Variants in AJAP1 observed in about 807,000 individuals in gnomAD.
AJAP1 encodes the protein adherens junctions associated protein 1, also known as adherens junction-associated protein 1.
Under a neutral mutation model 35.0 loss-of-function variants are expected in AJAP1, and 5 were observed. The observed-to-expected ratio is 0.14, with a 90% CI of 0.07 to 0.30. AJAP1 has a LOEUF of 0.30. Ranked by LOEUF, AJAP1 falls within the 10% of genes least tolerant of loss-of-function variation. The probability of loss-of-function intolerance (pLI) is 1.00; values close to 1 mark genes in which losing one functional copy is unlikely to be tolerated. For missense variants in AJAP1, 586 were observed against 571.0 expected (o/e 1.03, Z -0.27); for synonymous variants, 284 against 249.3 (o/e 1.14, Z -1.31).
rs974974936 is a variant in AJAP1, at chr1:4,760,042, T to C, written c.830-9811T>C. On this transcript the variant is annotated intron_variant, in intron 2 of 5. Transcript: ENST00000378191. The stretch of plus-strand genomic sequence containing the variant: ...GCACTGGCCTTCAGAGCCATCATCT[T>C]TTGTGGAACTTCTCAAATGATAGCA... Among the ~76,000 whole-genome samples, 8 of 152,222 alleles carry C rather than the reference T, an allele frequency of 5.3e-5. No individual in the cohort carries two copies. The South Asian group carries it at 1.7e-3, about 32-fold the overall frequency.
Position 4,723,558 on chromosome 1 carries a change from C to T in AJAP1, c.829+10859C>T, listed in dbSNP as rs561270489. ...GCATGGAGGGGTCCTCGTGGCGGAGCTCCCAGAGACATGAAAGAGGCCACT... is the reference window on the plus strand; with the variant it reads ...GCATGGAGGGGTCCTCGTGGCGGAGTTCCCAGAGACATGAAAGAGGCCACT... On this transcript the variant is annotated intron_variant, in intron 2 of 5. Coordinates refer to ENST00000378191, the MANE Select transcript of AJAP1 (RefSeq NM_018836.4). The surrounding 1 kb of genome is among the most constrained non-coding windows in gnomAD (Gnocchi z 4.3). 1.3e-5 allele frequency among the ~76,000 whole-genome samples: 2 copies of T among 152,138 alleles called. No individual in the cohort carries two copies. Among genetic ancestry groups the T allele is most frequent in the East Asian group, 1.9e-4 (1 of 5,152 alleles).
At chr1:4,770,381 C>T (rs1202653687) in intron 3 of AJAP1, among the ~76,000 whole-genome samples, 2 of 152,218 alleles carry the variant, frequency 1.3e-5, no homozygotes, top group Non-Finnish European at 2.9e-5. Flanking sequence ...TGTTTGTATT[C>T]TTCGTTCCTC....
rs70957905 is a variant in AJAP1, at chr1:4,783,471, GTATATATATATA to G, written c.*1014_*1025del. The G allele has an allele frequency of 3.8e-3, 221 of 57,808 alleles. 1 individual carries two copies. Among genetic ancestry groups the G allele is most frequent in the African/African-American group, 0.014 (190 of 13,398 alleles). The allele number at this position is 57,808 out of a possible 1,614,324, so 3.6% of individuals were successfully genotyped here. A position where few individuals can be genotyped will look rare whatever the true frequency, so the allele number is the denominator to read the frequency against. On this transcript the variant is annotated 3_prime_UTR_variant, in exon 6 of 6. Coordinates refer to ENST00000378191, the MANE Select transcript of AJAP1 (RefSeq NM_018836.4). The stretch of plus-strand genomic sequence containing the variant: ...ATGCCAAGGTTTTATATATGTGTGT[GTATATATATATA>G]TATATATATATATATATATATATAT...
intron 1 of AJAP1, among the ~76,000 whole-genome samples, chr1:4,674,162 G>A (rs528797044): frequency 1.3e-5 from 2 of 151,866 alleles, no homozygotes; most frequent in South Asian, 4.2e-4. Flanking sequence ...ACTGCAAATC[G>A]GCCAAGAAGG....
chr1:4,748,134 A>G (rs991706318), intron 2 of AJAP1, among the ~76,000 whole-genome samples: 9 of 151,940 alleles, frequency 5.9e-5, no homozygotes, highest in Non-Finnish European at 1.5e-5. Context: ...CCTGACCTTC[A>G]GAGCCACTGC....
chr1:4,739,457 G>A (rs1304558307), intron 2 of AJAP1, among the ~76,000 whole-genome samples: 1 of 152,148 alleles, frequency 6.6e-6, no homozygotes, highest in African/African-American at 2.4e-5. Flanking sequence ...GTTAACTCCA[G>A]GTCTCCTTGC....
At position 4,692,381 on chromosome 1, in the gene AJAP1, G is replaced by A. The variant is rs1639762104; in HGVS notation, c.30-19519G>A. Among the ~76,000 whole-genome samples, 1 of 152,128 alleles carries A rather than the reference G, an allele frequency of 6.6e-6. No homozygotes were observed. The highest frequency in any genetic ancestry group is 2.4e-5 in the African/African-American group (1 of 41,444). On this transcript the variant is annotated intron_variant, in intron 1 of 5. Transcript: ENST00000378191. This position sits in a 1 kb window ranked among gnomAD's most constrained non-coding sequence, Gnocchi z 4.4. ...GGCCTCTCAGCCTGCAGGAGAGGCT[G>A]GGGGGCACGTCTGAGGGTGCAGCAG...
chr1:4,758,399 C>G (rs1641486591), intron 2 of AJAP1, among the ~76,000 whole-genome samples: 1 of 152,172 alleles, frequency 6.6e-6, no homozygotes, highest in Non-Finnish European at 1.5e-5. Flanking sequence ...TTCATCAACT[C>G]ACAGTTCTGC....
At chr1:4,765,040 T>G (rs1241247071) in intron 2 of AJAP1, among the ~76,000 whole-genome samples, 1 of 152,208 alleles carries the variant, frequency 6.6e-6, no homozygotes, top group Non-Finnish European at 1.5e-5. Flanking sequence ...TTGGGGATAA[T>G]TTTTCATCAT....
intron 2 of AJAP1, among the ~76,000 whole-genome samples, chr1:4,735,981 A>G (rs1380401719): frequency 1.3e-5 from 2 of 152,156 alleles, no homozygotes; most frequent in East Asian, 3.9e-4. Flanking sequence ...GAGGTTCCTT[A>G]AGGCCCCAGA....
chr1:4,748,558 G>A (rs1289344117), intron 2 of AJAP1, among the ~76,000 whole-genome samples: 1 of 152,016 alleles, frequency 6.6e-6, no homozygotes, highest in African/African-American at 2.4e-5. Context: ...AACCAGCCTG[G>A]CCAATATGGT....
intron 1 of AJAP1, among the ~76,000 whole-genome samples, chr1:4,682,144 A>G (rs905748152): frequency 1.1e-4 from 17 of 152,168 alleles, no homozygotes; most frequent in African/African-American, 3.9e-4. Flanking sequence ...CACACATCAA[A>G]TTTCCCAACT....
chr1:4,736,236 G>C (rs436132), intron 2 of AJAP1, among the ~76,000 whole-genome samples: 121,815 of 152,174 alleles, frequency 0.8, 50,171 homozygotes, highest in Non-Finnish European at 0.9. Context: ...CTCTGATGTT[G>C]CCCCTCGCCT....
intron 1 of AJAP1, among the ~76,000 whole-genome samples, chr1:4,684,755 G>A (rs1639568263): frequency 6.6e-6 from 1 of 152,160 alleles, no homozygotes; most frequent in Non-Finnish European, 1.5e-5. Context: ...TAAAGGCAGA[G>A]CAGATCTAAA....
intron 2 of AJAP1, among the ~76,000 whole-genome samples, chr1:4,755,240 G>A (rs1187952770): frequency 6.6e-6 from 1 of 152,220 alleles, no homozygotes; most frequent in Non-Finnish European, 1.5e-5. Flanking sequence ...GACAGCAGCT[G>A]TTACTGAATT....
At chr1:4,685,998 TCTC>T (rs981937716) in intron 1 of AJAP1, among the ~76,000 whole-genome samples, 2 of 152,218 alleles carry the variant, frequency 1.3e-5, no homozygotes, top group African/African-American at 4.8e-5. Flanking sequence ...TTAGTGATCA[TCTC>T]CTGTTTTCTG....
chr1:4,660,754 A>G (rs746543117), intron 1 of AJAP1, among the ~76,000 whole-genome samples: 1 of 152,208 alleles, frequency 6.6e-6, no homozygotes, highest in Admixed American at 6.5e-5. Flanking sequence ...TTGCTCAGTT[A>G]TGTCTCTACC....
At chr1:4,748,208 A>G (rs1195767152) in intron 2 of AJAP1, among the ~76,000 whole-genome samples, 1 of 151,434 alleles carries the variant, frequency 6.6e-6, no homozygotes, top group Non-Finnish European at 1.5e-5. Context: ...CCTCCCATTG[A>G]CCCTCACCCT....
At chr1:4,781,984 G>T (rs1642072675) in intron 5 of AJAP1, among the ~76,000 whole-genome samples, 1 of 152,198 alleles carries the variant, frequency 6.6e-6, no homozygotes, top group Non-Finnish European at 1.5e-5. Flanking sequence ...ATCACCTCTG[G>T]GGAGATGTGG....
Sources: allele counts gnomAD v4.1 joint callset (sites outside exome capture counted in the v4.1 genomes callset), GRCh38; gene constraint gnomAD v4.1.1; non-coding constraint Gnocchi (gnomAD v3.1); transcripts MANE v1.5; gene names NCBI Gene and HGNC (gene_info 2026-07-23, HGNC 2026-07-21).